The following HNRNPK variants were observed in gnomAD, a reference collection of about 807,000 sequenced individuals.
HNRNPK encodes the protein dC-stretch binding protein.
In HNRNPK, 7 loss-of-function variants were observed where a neutral mutation model predicts 67.0. That is an observed-to-expected ratio of 0.10 (90% CI 0.06 to 0.20). HNRNPK has a LOEUF of 0.20. Among genes scored for constraint, HNRNPK ranks in the 10% least tolerant of loss-of-function variants. The pLI is 1.00. For synonymous variants in HNRNPK, 213 were observed against 193.7 expected (o/e 1.10, Z -0.83); for missense variants, 264 against 606.5 (o/e 0.44, Z 5.93).
intron 1 of HNRNPK, among the ~76,000 whole-genome samples, chr9:83,979,399 T>G (rs558022347): frequency 1.3e-5 from 2 of 152,346 alleles, no homozygotes; most frequent in African/African-American, 4.8e-5. Flanking sequence ...GCAGGGCTTA[T>G]CTGTAAGAAT....
At chr9:83,978,078 A>T (rs140117531) in intron 3 of HNRNPK, 117 bp downstream of exon 3, 21 of 694,876 alleles carry the variant, frequency 3.0e-5, no homozygotes, top group African/African-American at 2.5e-4. Context: ...TAATCGCAGA[A>T]TTACATAAAC....
intron 13 of HNRNPK, 53 bp from the exon 14 acceptor site, chr9:83,970,965 C>T (rs767555294): frequency 4.5e-5 from 69 of 1,547,306 alleles, no homozygotes; most frequent in Non-Finnish European, 5.9e-5. Context: ...TAATTACTAC[C>T]GGTACTTTAA....
In HNRNPK at chr9:83,972,990, A is replaced by C; in HGVS notation, c.517-18T>G. The C allele has an allele frequency of 6.5e-7, 1 of 1,545,258 alleles. No homozygotes were observed. On this transcript the variant is annotated intron_variant, in intron 9 of 16. Transcript: ENST00000376263. ...TGAGTGTTCTGTAGTAAGATCATAA[A>C]AAAAAATAATAATAATTAGAAGAAA...
Position 83,969,058 on chromosome 9 carries a change from AAAGC to A in HNRNPK, c.*345_*348del. 1 of 429,108 alleles carries A rather than the reference AAAGC, an allele frequency of 2.3e-6. No individual in the cohort carries two copies. Among genetic ancestry groups the A allele is most frequent in the East Asian group, 4.0e-5 (1 of 24,842 alleles). The allele number at this position is 429,108 out of a possible 1,614,324, so 26.6% of individuals were successfully genotyped here. A position where few individuals can be genotyped will look rare whatever the true frequency, so the allele number is the denominator to read the frequency against. ...ACCCCCCAAATGTTACAGTGACCAC[AAAGC>A]AAGGTGTTCACAATAATTACATGGG... On this transcript the variant is annotated 3_prime_UTR_variant, in exon 17 of 17. Transcript: ENST00000376263.
intron 5 of HNRNPK, 32 bp downstream of exon 5, chr9:83,976,963 C>A (rs1355435080): frequency 1.5e-6 from 2 of 1,332,612 alleles, no homozygotes; most frequent in South Asian, 1.3e-5. Flanking sequence ...ACTGAAGCTG[C>A]TCGTGTAGTA....
chr9:83,973,271 T>C lies in HNRNPK; in HGVS notation c.516+15A>G, dbSNP rs767488485. ...CTTTCCAGCAAAGAATACGGCAGAATTTTTTTTTTTTTACCTCTCGAAGTT... is the reference window on the plus strand; with the variant it reads ...CTTTCCAGCAAAGAATACGGCAGAACTTTTTTTTTTTTACCTCTCGAAGTT... On this transcript the variant is annotated intron_variant, in intron 9 of 16. Transcript: ENST00000376263. 4 of 222,854 alleles carry C rather than the reference T, an allele frequency of 1.8e-5. No individual in the cohort carries two copies. In the South Asian group the frequency reaches 4.9e-4, roughly 28 times the overall value. The allele number at this position is 222,854 out of a possible 1,614,324, so 13.8% of individuals were successfully genotyped here. A position where few individuals can be genotyped will look rare whatever the true frequency, so the allele number is the denominator to read the frequency against.
chr9:83,973,998 T>C (rs778000080), intron 7 of HNRNPK, 25 bp from the exon 8 acceptor site: 15 of 1,539,146 alleles, frequency 9.7e-6, no homozygotes, highest in East Asian at 4.5e-5. Flanking sequence ...ATAAGAGTAA[T>C]AGGTTAAGTG....
At chr9:83,978,310 G>A in intron 2 of HNRNPK, 31 bp from the exon 3 acceptor site, 3 of 1,510,638 alleles carry the variant, frequency 2.0e-6, no homozygotes, top group Non-Finnish European at 2.7e-6. Context: ...TAGTACATTT[G>A]GCTTATTGGA....
rs746518178 is a variant in HNRNPK, at chr9:83,972,093, C to T, written c.742G>A (p.Gly248Arg). ...GFTMMFDDRR[G>R]RPVGFPMRGR... Reference sequence around the variant, plus strand: ...CGCATGGGAAATCCCACTGGGCGTCCGCGACGGTCATCAAACATCATTGTA... The same window carrying T: ...CGCATGGGAAATCCCACTGGGCGTCTGCGACGGTCATCAAACATCATTGTA... Residue 248 changes from glycine (G) to arginine (R), a missense_variant, in exon 11 of 17, where the codon GGA becomes AGA. Gly to Arg is a moderately radical substitution (Grantham distance 125). Around this residue, in one of 6 missense-constraint regions of HNRNPK, gnomAD observed 142 missense variants for 256.5 expected, o/e 0.55. Coordinates refer to ENST00000376263, the MANE Select transcript of HNRNPK (RefSeq NM_031263.4). The T allele has an allele frequency of 5.0e-6, 8 of 1,613,772 alleles. No individual in the cohort carries two copies. Among genetic ancestry groups the T allele is most frequent in the Admixed American group, 3.3e-5 (2 of 59,986 alleles).
chr9:83,979,755 T>C (rs868363685), intron 1 of HNRNPK, among the ~76,000 whole-genome samples: 79 of 139,456 alleles, frequency 5.7e-4, no homozygotes, highest in African/African-American at 1.9e-3. Flanking sequence ...GACAAAGCCA[T>C]CGAGGCAGCC....
At position 83,971,925 on chromosome 9, in the gene HNRNPK, C is replaced by A. The variant is rs1169924328; in HGVS notation, c.910G>T (p.Ala304Ser). 5 of 1,577,386 alleles carry A rather than the reference C, an allele frequency of 3.2e-6. No homozygotes were observed. The South Asian group carries it at 5.8e-5, about 18-fold the overall frequency. The change falls in exon 11 of 17, where the codon GCT becomes TCT. Residue 304 changes from alanine (A) to serine (S), a missense_variant. This residue lies in a region of HNRNPK where 142 missense variants were observed against 256.5 expected (regional missense o/e 0.55). Coordinates refer to ENST00000376263, the MANE Select transcript of HNRNPK (RefSeq NM_031263.4). ...GGTGGAGGAAGAGGAAGATTCCGAG[C>A]TCTGCTACCACCCCGGCCGCCTCGT... ...PGRGGRGGSR[A>S]RNLPLPPPPP...
rs1303098624 is a variant in HNRNPK at position 83,968,654 on chromosome 9, AAAC to A, written c.*750_*752del. On this transcript the variant is annotated 3_prime_UTR_variant, in exon 17 of 17. Transcript: ENST00000376263. ...AGTAGGGGCAAGCATTTGCAAAAAC[AAAC>A]AAAAAATCCCCAGCTTATTATAAGC... is the stretch of plus-strand genomic sequence containing the variant. The A allele has an allele frequency of 6.6e-6, 1 of 151,538 alleles. No individual in the cohort carries two copies. Among genetic ancestry groups the A allele is most frequent in the Non-Finnish European group, 1.5e-5 (1 of 67,140 alleles). 9.4% of individuals were successfully genotyped at this position (151,538 alleles called of 1,614,324 possible).
chr9:83,976,753 A>T, intron 5 of HNRNPK: 1 of 362,440 alleles, frequency 2.8e-6, no homozygotes, highest in Non-Finnish European at 4.9e-6. Context: ...TGAAGTGAAT[A>T]ATTTGGTGGA....
rs752037339 is a variant in HNRNPK at position 83,971,312 on chromosome 9, T to C, written c.1053A>G (p.Thr351=). ...CCATCTGCCATTCTGATGGGCTCCA[T>C]GTATCTATTGCAGAGTCCCAAGTTT... ...ADETWDSAID[T]WSPSEWQMAY... Residue 351 remains threonine (T), a synonymous_variant, in exon 13 of 17, where the codon ACA becomes ACG. Coordinates refer to ENST00000376263, the MANE Select transcript of HNRNPK (RefSeq NM_031263.4). The C allele has an allele frequency of 4.8e-5, 78 of 1,612,744 alleles. No individual in the cohort carries two copies. Among genetic ancestry groups the C allele is most frequent in the Non-Finnish European group, 6.2e-5 (73 of 1,178,864 alleles).
At chr9:83,980,231 T>TC (rs1393147366), upstream of HNRNPK, 1 of 152,122 alleles carries the variant, frequency 6.6e-6, no homozygotes, top group Admixed American at 6.6e-5. Context: ...CAGGCTCCCC[T>TC]CCCCCGCCTT....
At chr9:83,975,866 A>G (rs1210155745) in intron 5 of HNRNPK, 3 of 236,622 alleles carry the variant, frequency 1.3e-5, no homozygotes, top group African/African-American at 2.2e-5. Flanking sequence ...GCTTAACATT[A>G]AGGACCTCAA....
intron 5 of HNRNPK, chr9:83,976,704 CTT>C (rs759056033): frequency 2.3e-5 from 6 of 261,244 alleles, no homozygotes; most frequent in African/African-American, 8.9e-5. Flanking sequence ...GATTTTTACA[CTT>C]TGTCGCTATT....
In HNRNPK at chr9:83,971,048, C is replaced by A. The variant is rs549757398; in HGVS notation, c.1093-136G>T. 5.5e-5 allele frequency: 47 copies of A among 853,728 alleles called. No homozygotes were observed. In the South Asian group the frequency reaches 6.3e-4, roughly 11 times the overall value. 52.9% of individuals were successfully genotyped at this position (853,728 alleles called of 1,614,324 possible). On this transcript the variant is annotated intron_variant, in intron 13 of 16. Coordinates refer to ENST00000376263, the MANE Select transcript of HNRNPK (RefSeq NM_031263.4). ...TCTCAAACTCTCGGGCTCAAGTGAT[C>A]CTCCTGCCTCAGACTCTTTTGTAGT...
chr9:83,970,263 C>G lies in HNRNPK; in HGVS notation c.1260G>C (p.Ser420=). 2 of 1,613,776 alleles carry G rather than the reference C, an allele frequency of 1.2e-6. No individual in the cohort carries two copies. Among genetic ancestry groups the G allele is most frequent in the Non-Finnish European group, 8.5e-7 (1 of 1,179,752 alleles). The stretch of plus-strand genomic sequence containing the variant: ...CTTCTAAAGGCTCATCAATTTTGAT[C>G]GAAGCTCCCGACTCATGACGGATTT... ...IKQIRHESGA[S]IKIDEPLEGS... Residue 420 remains serine, a synonymous_variant, in exon 16 of 17, where the codon TCG becomes TCC. Transcript: ENST00000376263.
Sources: gnomAD v4.1 joint callset for allele counts (sites outside exome capture counted in the v4.1 genomes callset) on GRCh38, gnomAD v4.1.1 for gene constraint, gnomAD v4.1.1 regional missense constraint, MANE v1.5 for transcripts, NCBI Gene and HGNC (gene_info 2026-07-23, HGNC 2026-07-21) for gene names.